SNX14: variants seen among roughly 807,000 people sequenced by gnomAD.
The protein encoded by SNX14 is sorting nexin 14, also known as sorting nexin-14.
In SNX14, 93 loss-of-function variants were observed where a neutral mutation model predicts 133.8. The ratio of observed to expected loss-of-function variants is 0.70; its 90% CI spans 0.59 to 0.83. SNX14 has a LOEUF of 0.83. Ranked by LOEUF, SNX14 falls within the 40% of genes least tolerant of loss-of-function variation. SNX14 has a pLI of 0.00. For synonymous variants in SNX14, 368 were observed against 365.6 expected, an observed-to-expected ratio of 1.01 and a Z score of -0.07; for missense variants, 945 against 1,094.9, an observed-to-expected ratio of 0.86 and a Z score of 1.93.
At chr6:85,576,570 T>C (rs538809958) in intron 1 of SNX14, among the ~76,000 whole-genome samples, 1 of 152,284 alleles carries the variant, frequency 6.6e-6, no homozygotes, top group East Asian at 1.9e-4. Flanking sequence ...CATCTCATGA[T>C]AGTAGAAATG....
intron 27 of SNX14, among the ~76,000 whole-genome samples, chr6:85,507,694 T>C (rs936373776): frequency 6.6e-6 from 1 of 152,172 alleles, no homozygotes; most frequent in African/African-American, 2.4e-5. Context: ...GAATTATCCA[T>C]TTTTAATTTT....
chr6:85,552,032 CTTTTTTTTTTT>C (rs71551482), intron 7 of SNX14, among the ~76,000 whole-genome samples: 4 of 114,142 alleles, frequency 3.5e-5, no homozygotes, highest in Non-Finnish European at 7.0e-5. Flanking sequence ...TGTTGGGAAT[CTTTTTTTTTTT>C]TTTTTTTTTT....
At chr6:85,533,491 T>C (rs1405262849) in intron 18 of SNX14, 108 bp downstream of exon 18, 1 of 982,904 alleles carries the variant, frequency 1.0e-6, no homozygotes, top group Non-Finnish European at 1.5e-6. Flanking sequence ...CTCTTTTGGA[T>C]ATGCAGCCAT....
intron 23 of SNX14, 183 bp downstream of exon 23, chr6:85,517,573 A>T: frequency 5.7e-6 from 3 of 530,936 alleles, no homozygotes; most frequent in Non-Finnish European, 8.7e-6. Context: ...TTACCACATT[A>T]AAGCAAAGAA....
At chr6:85,549,696 C>G in intron 8 of SNX14, 27 bp downstream of exon 8, 1 of 1,589,448 alleles carries the variant, frequency 6.3e-7, no homozygotes, top group East Asian at 2.3e-5. Context: ...TATGCAAATA[C>G]TATTATATTG....
chr6:85,586,339 C>T (rs1457157643), intron 1 of SNX14, among the ~76,000 whole-genome samples: 1 of 152,146 alleles, frequency 6.6e-6, no homozygotes, highest in Non-Finnish European at 1.5e-5. Flanking sequence ...AAAATATTTA[C>T]TACCTAACAC....
chr6:85,543,711 C>T lies in SNX14; in HGVS notation c.1158G>A (p.Met386Ile). 2 of 1,580,676 alleles carry T rather than the reference C, an allele frequency of 1.3e-6. No individual in the cohort carries two copies. The highest frequency in any genetic ancestry group is 8.6e-7 in the Non-Finnish European group (1 of 1,161,992). The change falls in exon 13 of 29, where the codon ATG becomes ATA. Residue 386 changes from methionine (M) to isoleucine (I), a missense_variant. This residue lies in a region of SNX14 where 514 missense variants were observed against 538.8 expected (regional missense o/e 0.95). Coordinates refer to ENST00000314673, the MANE Select transcript of SNX14 (RefSeq NM_153816.6). The stretch of plus-strand genomic sequence containing the variant: ...TCTGCAATTCTTCATGAAGAGACAG[C>T]ATTTCATCATTTGATAATTCTGGTC... ...ILRPELSNDE[M>I]LSLHEELQKI...
chr6:85,517,549 A>G (rs954765268), intron 23 of SNX14: 2 of 428,908 alleles, frequency 4.7e-6, no homozygotes, highest in Non-Finnish European at 7.5e-6. Context: ...CAAATATAGT[A>G]TCCAGAGAAA....
In SNX14 at chr6:85,553,786, C is replaced by CAA. The variant is rs34112686; in HGVS notation, c.635-3909_635-3908dup. ...CGGCGACAGAGCAAGACTCCGTCTC[C>CAA]AAAAAAAAAAAAAGAATCTGTATCA... is the stretch of plus-strand genomic sequence containing the variant. On this transcript the variant is annotated intron_variant, in intron 7 of 28. Coordinates refer to ENST00000314673, the MANE Select transcript of SNX14 (RefSeq NM_153816.6). Among the ~76,000 whole-genome samples the CAA allele has an allele frequency of 6.6e-3, 904 of 136,420 alleles. 6 individuals carry two copies. The highest frequency in any genetic ancestry group is 0.02 in the African/African-American group (737 of 36,360). 89.5% of individuals were successfully genotyped at this position (136,420 alleles called of 152,430 possible).
intron 1 of SNX14, among the ~76,000 whole-genome samples, chr6:85,576,519 AC>A (rs1277763189): frequency 6.7e-6 from 1 of 148,158 alleles, no homozygotes; most frequent in African/African-American, 2.6e-5. Flanking sequence ...GCACGAACTG[AC>A]AGAGTAAACT....
intron 6 of SNX14, among the ~76,000 whole-genome samples, chr6:85,564,959 A>T (rs1228545412): frequency 1.3e-5 from 2 of 151,866 alleles, no homozygotes; most frequent in Non-Finnish European, 2.9e-5. Flanking sequence ...ACTGTACTCC[A>T]GCCTGGGCGA....
chr6:85,506,024 C>T lies in SNX14; in HGVS notation c.2803-19G>A. 1 of 1,526,342 alleles carries T rather than the reference C, an allele frequency of 6.6e-7. No homozygotes were observed. Among genetic ancestry groups the T allele is most frequent in the East Asian group, 2.3e-5 (1 of 44,330 alleles). The allele number at this position is 1,526,342 out of a possible 1,614,324, so 94.5% of individuals were successfully genotyped here. ...TTTGTACCTAAAGTAAAAATAAATCCATTTAATAGAAGACAAGACACAGGT... is the reference window on the plus strand; with the variant it reads ...TTTGTACCTAAAGTAAAAATAAATCTATTTAATAGAAGACAAGACACAGGT... On this transcript the variant is annotated intron_variant, in intron 28 of 28. Transcript: ENST00000314673.
At chr6:85,540,607 A>G (rs1783389826) in intron 15 of SNX14, among the ~76,000 whole-genome samples, 1 of 152,214 alleles carries the variant, frequency 6.6e-6, no homozygotes, top group African/African-American at 2.4e-5. Flanking sequence ...AGGCATTTCT[A>G]CCTTTCAGAA....
intron 1 of SNX14, among the ~76,000 whole-genome samples, chr6:85,574,745 G>T (rs915342191): frequency 6.6e-6 from 1 of 152,016 alleles, no homozygotes; most frequent in African/African-American, 2.4e-5. Context: ...TACCTATTTT[G>T]TTATAGACAG....
At chr6:85,579,431 A>G (rs1461967925) in intron 1 of SNX14, among the ~76,000 whole-genome samples, 1 of 152,146 alleles carries the variant, frequency 6.6e-6, no homozygotes, top group Admixed American at 6.5e-5. Context: ...AACAAAAAAA[A>G]CCTTCATAAG....
chr6:85,525,573 T>C (rs1778257948), intron 21 of SNX14, among the ~76,000 whole-genome samples: 1 of 152,124 alleles, frequency 6.6e-6, no homozygotes, highest in Non-Finnish European at 1.5e-5. Flanking sequence ...TTAATTCAAG[T>C]TAATTAAAAG....
chr6:85,557,587 G>T (rs909351585), intron 7 of SNX14, among the ~76,000 whole-genome samples: 1 of 151,852 alleles, frequency 6.6e-6, no homozygotes, highest in Admixed American at 6.6e-5. Context: ...CACTAAATTT[G>T]TTTTTTTTAG....
At chr6:85,577,518 G>T (rs1342766893) in intron 1 of SNX14, among the ~76,000 whole-genome samples, 1 of 152,130 alleles carries the variant, frequency 6.6e-6, no homozygotes, top group Non-Finnish European at 1.5e-5. Flanking sequence ...ACACAGAAAT[G>T]TTCCACAAGC....
At chr6:85,556,800 T>A (rs1343082140) in intron 7 of SNX14, among the ~76,000 whole-genome samples, 2 of 152,144 alleles carry the variant, frequency 1.3e-5, no homozygotes, top group East Asian at 3.8e-4. Flanking sequence ...TTTTACTTGT[T>A]ATAAGATGAA....
Sources: allele counts gnomAD v4.1 joint callset (sites outside exome capture counted in the v4.1 genomes callset), GRCh38; gene constraint gnomAD v4.1.1; regional missense constraint gnomAD v4.1.1; transcripts MANE v1.5; gene names NCBI Gene and HGNC (gene_info 2026-07-23, HGNC 2026-07-21).